The following ACSM4 variants were observed in gnomAD, a reference collection of about 807,000 sequenced individuals.
ACSM4 encodes acyl-coenzyme A synthetase ACSM4, mitochondrial.
In ACSM4, 66 loss-of-function variants were observed where a neutral mutation model predicts 73.0. That is an observed-to-expected ratio of 0.90 (90% CI 0.74 to 1.11). ACSM4 has a LOEUF of 1.11. ACSM4 is among the 50% of genes least tolerant of loss of function. ACSM4 has a pLI of 0.00. For missense variants in ACSM4, 645 were observed against 714.4 expected (o/e 0.90, Z 1.11); for synonymous variants, 222 against 254.0 (o/e 0.87, Z 1.20).
intron 5 of ACSM4, among the ~76,000 whole-genome samples, chr12:7,320,384 A>T (rs1591844964): frequency 6.6e-6 from 1 of 152,342 alleles, no homozygotes; most frequent in East Asian, 1.9e-4. Context: ...TATTGGCAGG[A>T]GGTTACAAGA....
At position 7,319,457 on chromosome 12, in the gene ACSM4, G is replaced by C. The variant is rs181158866; in HGVS notation, c.922-1268G>C. Among the ~76,000 whole-genome samples the C allele has an allele frequency of 1.7e-4, 26 of 152,082 alleles. No individual in the cohort carries two copies. In the East Asian group the frequency reaches 4.8e-3, roughly 28 times the overall value. On this transcript the variant is annotated intron_variant, in intron 5 of 12. Transcript: ENST00000399422. ...ATACAAATAATTAGCCAGGCATGGT[G>C]GTGGGTGCCTGTAATCCCAGCTACT...
intron 1 of ACSM4, among the ~76,000 whole-genome samples, chr12:7,306,134 G>A (rs1024318296): frequency 6.6e-6 from 1 of 152,162 alleles, no homozygotes; most frequent in Non-Finnish European, 1.5e-5. Flanking sequence ...CACAAAATTG[G>A]GCTGGAAGCT....
At chr12:7,321,473 G>A (rs1946463237) in intron 6 of ACSM4, among the ~76,000 whole-genome samples, 2 of 152,224 alleles carry the variant, frequency 1.3e-5, no homozygotes. Flanking sequence ...GAGGGAAAGT[G>A]CTATGCGAGA....
chr12:7,322,367 G>C (rs1278445630), intron 6 of ACSM4, 51 bp from the exon 7 acceptor site: 3 of 1,610,744 alleles, frequency 1.9e-6, no homozygotes, highest in African/African-American at 2.7e-5. Flanking sequence ...GTCTTGCAGT[G>C]AAAGCACTCA....
intron 12 of ACSM4, 26 bp from the exon 13 acceptor site, chr12:7,328,261 T>A: frequency 6.5e-7 from 1 of 1,530,672 alleles, no homozygotes; most frequent in Non-Finnish European, 8.9e-7. Context: ...ATCAAGTGTC[T>A]CATCACGTTT....
intron 4 of ACSM4, among the ~76,000 whole-genome samples, chr12:7,317,590 C>T (rs1459720714): frequency 6.6e-6 from 1 of 152,200 alleles, no homozygotes; most frequent in Non-Finnish European, 1.5e-5. Flanking sequence ...ACCATTGTCA[C>T]ATTATCCTAT....
chr12:7,305,945 A>G (rs1337934252), intron 1 of ACSM4, among the ~76,000 whole-genome samples: 1 of 152,218 alleles, frequency 6.6e-6, no homozygotes, highest in Non-Finnish European at 1.5e-5. Context: ...CTAGAAGTCA[A>G]TAAATTGATG....
chr12:7,317,415 C>G (rs975867582), intron 4 of ACSM4, 135 bp downstream of exon 4: 1 of 1,243,678 alleles, frequency 8.0e-7, no homozygotes, highest in Non-Finnish European at 1.1e-6. Flanking sequence ...AGAACTCTTG[C>G]TGGCCCCGCC....
chr12:7,310,408 G>C, intron 2 of ACSM4, 131 bp from the exon 3 acceptor site: 1 of 841,144 alleles, frequency 1.2e-6, no homozygotes, highest in East Asian at 2.7e-5. Context: ...AATATCCTTG[G>C]GCATCAAGGC....
chr12:7,316,835 T>C (rs895639830), intron 3 of ACSM4, among the ~76,000 whole-genome samples: 2 of 152,088 alleles, frequency 1.3e-5, no homozygotes, highest in Non-Finnish European at 2.9e-5. Flanking sequence ...GGAAAAAAAA[T>C]GTTACAATAC....
chr12:7,317,821 TC>T (rs1174177880), intron 4 of ACSM4, among the ~76,000 whole-genome samples: 3 of 152,108 alleles, frequency 2.0e-5, no homozygotes, highest in Non-Finnish European at 2.9e-5. Flanking sequence ...ACACCCAGCC[TC>T]CCACTGTACT....
At chr12:7,316,859 C>A (rs1202474320) in intron 3 of ACSM4, among the ~76,000 whole-genome samples, 2 of 152,050 alleles carry the variant, frequency 1.3e-5, no homozygotes, top group African/African-American at 4.8e-5. Context: ...AAATGCATGT[C>A]TTTTGTTATT....
At chr12:7,319,629 G>A (rs921908797) in intron 5 of ACSM4, among the ~76,000 whole-genome samples, 127 of 149,794 alleles carry the variant, frequency 8.5e-4, no homozygotes, top group African/African-American at 3.0e-3. Context: ...ATGAAGCTTC[G>A]CTCACCTTGC....
Position 7,323,560 on chromosome 12 carries a change from G to A in ACSM4, c.1308G>A (p.Val436=). ...CCTTCTGTTTCTTCTCTAAATATGT[G>A]GTATGAGGATAGAAAGTGCTGGTCA... ...TRPFCFFSKY[V]DNPQKTAATI... Residue 436 remains valine (V), a splice_region_variant and synonymous_variant, in exon 9 of 13, where the codon GTG becomes GTA. Coordinates refer to ENST00000399422, the MANE Select transcript of ACSM4 (RefSeq NM_001080454.2). 1 of 1,610,928 alleles carries A rather than the reference G, an allele frequency of 6.2e-7. No homozygotes were observed. The highest frequency in any genetic ancestry group is 1.3e-5 in the African/African-American group (1 of 74,944).
At chr12:7,307,736 A>G (rs957046575) in intron 2 of ACSM4, among the ~76,000 whole-genome samples, 2 of 152,198 alleles carry the variant, frequency 1.3e-5, no homozygotes, top group East Asian at 3.8e-4. Flanking sequence ...GAATACAGCC[A>G]TGCTCATTTA....
chr12:7,327,755 T>C (rs1946519813), intron 12 of ACSM4, among the ~76,000 whole-genome samples: 1 of 152,172 alleles, frequency 6.6e-6, no homozygotes, highest in Admixed American at 6.6e-5. Flanking sequence ...CTAAAGTCAC[T>C]AAATCAGTGA....
intron 5 of ACSM4, 90 bp from the exon 6 acceptor site, chr12:7,320,635 A>G (rs1220954448): frequency 4.6e-6 from 5 of 1,081,754 alleles, no homozygotes; most frequent in Non-Finnish European, 7.0e-6. Context: ...GCACATATTA[A>G]TGGAAGAAAA....
rs1946490831 is a variant in ACSM4 at position 7,324,682 on chromosome 12, AG to A, written c.1536+86del. The A allele has an allele frequency of 7.8e-6, 11 of 1,411,500 alleles. No individual in the cohort carries two copies. The East Asian group carries it at 2.6e-4, about 33-fold the overall frequency. 87.4% of individuals were successfully genotyped at this position (1,411,500 alleles called of 1,614,324 possible). ...ACCACTGTAAAGGCTGAACCAAGAGAGGTCAATCTATTAATTCTCGTTATGA... is the reference window on the plus strand; with the variant it reads ...ACCACTGTAAAGGCTGAACCAAGAGAGTCAATCTATTAATTCTCGTTATGA... On this transcript the variant is annotated intron_variant, in intron 11 of 12. Transcript: ENST00000399422.
intron 9 of ACSM4, 81 bp downstream of exon 9, chr12:7,323,641 C>T (rs34189415): frequency 0.033 from 40,918 of 1,243,646 alleles, 824 homozygotes; most frequent in Non-Finnish European, 0.039. Flanking sequence ...GCTATGTAAT[C>T]TTGGGCAAGC....
Sources: gnomAD v4.1 joint callset for allele counts (sites outside exome capture counted in the v4.1 genomes callset) on GRCh38, gnomAD v4.1.1 for gene constraint, MANE v1.5 for transcripts, NCBI Gene and HGNC (gene_info 2026-07-23, HGNC 2026-07-21) for gene names.